The following HHLA1 variants were observed in gnomAD, a reference collection of about 807,000 sequenced individuals.
HHLA1 encodes HHLA1 neighbor of OC90.
HHLA1 carries 72 observed loss-of-function variants against 69.9 expected under a neutral mutation model. The ratio of observed to expected loss-of-function variants is 1.03; its 90% CI spans 0.85 to 1.25. The LOEUF (loss-of-function observed/expected upper bound fraction) is 1.25, where lower values mean the gene tolerates loss of function less well. Ranked by LOEUF, HHLA1 falls within the 50% of genes most tolerant of loss-of-function variation. HHLA1 has a pLI of 0.00. For synonymous variants in HHLA1, 252 were observed against 233.2 expected, an observed-to-expected ratio of 1.08 and a Z score of -0.73; for missense variants, 685 against 642.2, an observed-to-expected ratio of 1.07 and a Z score of -0.72.
At position 132,071,347 on chromosome 8, in the gene HHLA1, C is replaced by T. The variant is rs1823538462; in HGVS notation, c.1462G>A (p.Asp488Asn). 1 of 1,551,110 alleles carries T rather than the reference C, an allele frequency of 6.4e-7. No homozygotes were observed. The highest frequency in any genetic ancestry group is 8.7e-7 in the Non-Finnish European group (1 of 1,146,718). ...GCCACTGGGCCAAGTTACCTCATGT[C>T]CTCTGTCCTGGGACTCCTCTGGCTC... ...CMSQRSPRTEDMRYCLEYYSW... is the reference protein window; with the variant it reads ...CMSQRSPRTENMRYCLEYYSW... Residue 488 changes from aspartate (D) to asparagine (N), a missense_variant, in exon 15 of 17, where the codon GAC (aspartate) becomes AAC (asparagine). By Grantham distance (23) the Asp-to-Asn change is conservative. Coordinates refer to ENST00000414222, the MANE Select transcript of HHLA1 (RefSeq NM_001145095.3).
chr8:132,109,520 CAG>C (rs889163877), intron 1 of HHLA1, among the ~76,000 whole-genome samples: 1 of 152,180 alleles, frequency 6.6e-6, no homozygotes, highest in African/African-American at 2.4e-5. Context: ...GTACAGGAAA[CAG>C]GGGTTTCATC....
chr8:132,082,954 T>C (rs1216992219), intron 10 of HHLA1, among the ~76,000 whole-genome samples: 2 of 151,512 alleles, frequency 1.3e-5, no homozygotes, highest in Non-Finnish European at 2.9e-5. Flanking sequence ...CTTTAATCTT[T>C]TTAAAGCGTG....
intron 7 of HHLA1, among the ~76,000 whole-genome samples, chr8:132,093,149 G>GATA (rs1163666167): frequency 6.6e-6 from 1 of 152,140 alleles, no homozygotes; most frequent in Non-Finnish European, 1.5e-5. Flanking sequence ...TAGATAGGTA[G>GATA]GTTAGATAAG....
intron 15 of HHLA1, among the ~76,000 whole-genome samples, chr8:132,068,201 T>C (rs941343212): frequency 6.6e-6 from 1 of 152,182 alleles, no homozygotes; most frequent in African/African-American, 2.4e-5. Context: ...AGGATTTAAG[T>C]TGCAGCAACC....
At chr8:132,093,262 T>C (rs1184622007) in intron 7 of HHLA1, among the ~76,000 whole-genome samples, 1 of 152,180 alleles carries the variant, frequency 6.6e-6, no homozygotes, top group African/African-American at 2.4e-5. Flanking sequence ...CAGTGGATGG[T>C]GGGATATCAG....
intron 10 of HHLA1, among the ~76,000 whole-genome samples, chr8:132,083,773 T>C (rs1823805783): frequency 6.6e-6 from 1 of 152,186 alleles, no homozygotes; most frequent in South Asian, 2.1e-4. Context: ...AGTTCTTGTG[T>C]GCTGGAGATG....
intron 10 of HHLA1, among the ~76,000 whole-genome samples, chr8:132,082,252 G>A (rs972844580): frequency 1.3e-5 from 2 of 152,228 alleles, no homozygotes; most frequent in African/African-American, 4.8e-5. Flanking sequence ...GAGAACTGTA[G>A]AGAGTGAGTT....
chr8:132,077,635 T>C, intron 12 of HHLA1, 91 bp downstream of exon 12: 1 of 1,333,474 alleles, frequency 7.5e-7, no homozygotes, highest in Non-Finnish European at 1.0e-6. Flanking sequence ...TGTGTGTGTA[T>C]TATATTCCAA....
intron 4 of HHLA1, among the ~76,000 whole-genome samples, chr8:132,099,592 G>A (rs1044674744): frequency 1.3e-5 from 2 of 152,186 alleles, no homozygotes. Context: ...AGTGGCTCAC[G>A]CCTGTAATCC....
chr8:132,109,998 G>A (rs1824268697), intron 1 of HHLA1, among the ~76,000 whole-genome samples: 1 of 151,920 alleles, frequency 6.6e-6, no homozygotes, highest in African/African-American at 2.4e-5. Context: ...CTGGAGCCGG[G>A]AGTGTGGACG....
At chr8:132,084,785 G>T (rs1315976424) in intron 10 of HHLA1, among the ~76,000 whole-genome samples, 2 of 151,404 alleles carry the variant, frequency 1.3e-5, no homozygotes, top group Admixed American at 6.6e-5. Flanking sequence ...GGTGGTTCTT[G>T]CCCTCCAGAA....
intron 1 of HHLA1, among the ~76,000 whole-genome samples, chr8:132,109,433 GA>G (rs34540955): frequency 0.73 from 111,180 of 151,936 alleles, 41,043 homozygotes; most frequent in Middle Eastern, 0.81. Context: ...ATAAGCATAT[GA>G]AAAAAAACAT....
At chr8:132,095,898 G>T (rs1824019031) in intron 5 of HHLA1, 112 bp from the exon 6 acceptor site, 2 of 579,706 alleles carry the variant, frequency 3.5e-6, no homozygotes, top group East Asian at 5.9e-5. Context: ...AACCAATGAT[G>T]AAAATAAAGA....
Position 132,102,709 on chromosome 8 carries a change from G to GCCCC in HHLA1, c.139+1398_139+1399insGGGG, listed in dbSNP as rs1366982051. ...TTCGGGGTCTCCAGGCAGCAGGGAT[G>GCCCC]ACCCAGGCTACCAGGCTGGCAGGAT... On this transcript the variant is annotated intron_variant, in intron 3 of 16. Coordinates refer to ENST00000414222, the MANE Select transcript of HHLA1 (RefSeq NM_001145095.3). Among the ~76,000 whole-genome samples the GCCCC allele has an allele frequency of 3.9e-3, 587 of 152,148 alleles. 4 individuals carry two copies. The highest frequency in any genetic ancestry group is 0.014 in the African/African-American group (567 of 41,486).
intron 11 of HHLA1, among the ~76,000 whole-genome samples, 186 bp from the exon 12 acceptor site, chr8:132,078,157 C>G (rs1823679091): frequency 6.9e-6 from 1 of 145,656 alleles, no homozygotes; most frequent in African/African-American, 2.6e-5. Context: ...GCATTGTTTT[C>G]CTAAGCACCA....
In HHLA1 at chr8:132,098,889, C is replaced by T. The variant is rs1478927634; in HGVS notation, c.273G>A (p.Ala91=). 55 of 1,546,270 alleles carry T rather than the reference C, an allele frequency of 3.6e-5. No individual in the cohort carries two copies. The highest frequency in any genetic ancestry group is 1.8e-4 in the South Asian group (15 of 83,902). ...CTTTTAAAATATGATTACCTTTTAA[C>T]GCTCTACTGAGCATCCCATTCACAA... The part of the protein sequence containing the change: ...TELVNGMLSR[A]LKDSKKFFSL... Residue 91 remains alanine (A), a synonymous_variant, in exon 5 of 17, where the codon GCG becomes GCA. Coordinates refer to ENST00000414222, the MANE Select transcript of HHLA1 (RefSeq NM_001145095.3).
chr8:132,083,251 C>T (rs1036608511), intron 10 of HHLA1, among the ~76,000 whole-genome samples: 2 of 152,014 alleles, frequency 1.3e-5, no homozygotes, highest in Non-Finnish European at 2.9e-5. Flanking sequence ...AAAAGGAGTG[C>T]TTAAAAGAGT....
chr8:132,095,490 C>G (rs1824007390), intron 7 of HHLA1, 29 bp downstream of exon 7: 5 of 1,442,230 alleles, frequency 3.5e-6, no homozygotes, highest in Non-Finnish European at 4.8e-6. Flanking sequence ...ATTGGAAAAG[C>G]TGCAAGCCTC....
rs16904591 is a variant in HHLA1, at chr8:132,095,860, C to T, written c.281-74G>A. Reference sequence around the variant, plus strand: ...ACAATAATACAAATAAGTAAACAGTCCCTAGAAATTAACAATGCCAATAAA... The same window carrying T: ...ACAATAATACAAATAAGTAAACAGTTCCTAGAAATTAACAATGCCAATAAA... On this transcript the variant is annotated intron_variant, in intron 5 of 16. Transcript: ENST00000414222. 4.8e-3 allele frequency: 4,035 copies of T among 836,186 alleles called. 114 individuals are homozygous for T. The African/African-American group carries it at 0.057, about 12-fold the overall frequency. The allele number at this position is 836,186 out of a possible 1,614,324, so 51.8% of individuals were successfully genotyped here. A position where few individuals can be genotyped will look rare whatever the true frequency, so the allele number is the denominator to read the frequency against.
Sources: gnomAD v4.1 joint callset for allele counts (sites outside exome capture counted in the v4.1 genomes callset) on GRCh38, gnomAD v4.1.1 for gene constraint, MANE v1.5 for transcripts, NCBI Gene and HGNC (gene_info 2026-07-23, HGNC 2026-07-21) for gene names.